The following ASTN2 variants were observed in gnomAD, a reference collection of about 807,000 sequenced individuals.
ASTN2 encodes the protein astrotactin 2, also known as astrotactin-2.
A neutral mutation model predicts 139.8 loss-of-function variants in ASTN2; 54 were observed. That is an observed-to-expected ratio of 0.39 (90% CI 0.31 to 0.48). ASTN2 has a LOEUF of 0.48. Among genes scored for constraint, ASTN2 ranks in the 20% least tolerant of loss-of-function variants. The pLI is 0.95. For missense variants in ASTN2, 1,565 were observed against 1,725.1 expected (o/e 0.91, Z 1.64); for synonymous variants, 756 against 719.5 (o/e 1.05, Z -0.81).
chr9:117,385,245 C>T (rs113847362), intron 1 of ASTN2, among the ~76,000 whole-genome samples: 5 of 152,256 alleles, frequency 3.3e-5, no homozygotes, highest in Admixed American at 1.3e-4. Flanking sequence ...CCACCTCAGT[C>T]TCCCACAGTG....
intron 3 of ASTN2, among the ~76,000 whole-genome samples, chr9:117,174,494 C>T (rs1830871240): frequency 6.6e-6 from 1 of 151,740 alleles, no homozygotes; most frequent in African/African-American, 2.4e-5. Context: ...TGAGATATAC[C>T]CACTTCACAT....
At chr9:117,111,751 T>C (rs1403026860) in intron 4 of ASTN2, among the ~76,000 whole-genome samples, 1 of 152,100 alleles carries the variant, frequency 6.6e-6, no homozygotes, top group Non-Finnish European at 1.5e-5. Flanking sequence ...TTGCACATCA[T>C]AGTCAAACTG....
At chr9:116,482,714 A>G (rs1849212542) in intron 20 of ASTN2, among the ~76,000 whole-genome samples, 1 of 150,872 alleles carries the variant, frequency 6.6e-6, no homozygotes. Context: ...TTTTTCTTCT[A>G]CTCTTCCAAC....
intron 4 of ASTN2, among the ~76,000 whole-genome samples, chr9:117,108,446 C>CACAT (rs1258315940): frequency 6.6e-6 from 1 of 151,286 alleles, no homozygotes; most frequent in African/African-American, 2.4e-5. Flanking sequence ...AAAACACACA[C>CACAT]ACACACACAC....
At chr9:116,744,176 G>A (rs752066112) in intron 13 of ASTN2, among the ~76,000 whole-genome samples, 3 of 152,140 alleles carry the variant, frequency 2.0e-5, no homozygotes, top group Non-Finnish European at 4.4e-5. Context: ...GTGTGTGGGC[G>A]CATGTGTGTG....
chr9:116,756,770 AACACACACAC>A (rs111716372), intron 13 of ASTN2, among the ~76,000 whole-genome samples: 3 of 148,018 alleles, frequency 2.0e-5, no homozygotes, highest in Non-Finnish European at 3.0e-5. Context: ...CTCCGAATAA[AACACACACAC>A]ACACACACAC....
chr9:117,378,080 A>T (rs578154687), intron 1 of ASTN2, among the ~76,000 whole-genome samples: 3 of 152,356 alleles, frequency 2.0e-5, no homozygotes, highest in South Asian at 2.1e-4. Flanking sequence ...GAATGGCTTT[A>T]TATGTTAATT....
intron 5 of ASTN2, among the ~76,000 whole-genome samples, chr9:117,072,405 A>G (rs1828159645): frequency 6.6e-6 from 1 of 152,184 alleles, no homozygotes; most frequent in African/African-American, 2.4e-5. Flanking sequence ...ATCATCTTTC[A>G]ATTACAAATC....
At chr9:116,441,996 G>C (rs1847854187) in intron 21 of ASTN2, among the ~76,000 whole-genome samples, 1 of 152,212 alleles carries the variant, frequency 6.6e-6, no homozygotes, top group South Asian at 2.1e-4. Context: ...CCATGGGACT[G>C]GATGGAACAG....
At chr9:117,248,628 T>A (rs2133086664) in intron 2 of ASTN2, among the ~76,000 whole-genome samples, 1 of 152,306 alleles carries the variant, frequency 6.6e-6, no homozygotes, top group Non-Finnish European at 1.5e-5. Context: ...TGTTGGACAA[T>A]GACAAGACAG....
chr9:117,390,460 C>A (rs560041768), intron 1 of ASTN2, among the ~76,000 whole-genome samples: 4 of 152,178 alleles, frequency 2.6e-5, no homozygotes, highest in Non-Finnish European at 5.9e-5. Context: ...CATACAGAAT[C>A]GTTTCACTGC....
At chr9:117,049,037 A>T (rs1371903018) in intron 5 of ASTN2, among the ~76,000 whole-genome samples, 5 of 136,126 alleles carry the variant, frequency 3.7e-5, no homozygotes, top group Non-Finnish European at 6.1e-5. Flanking sequence ...GTGCAATCTC[A>T]GCACACTGCA....
chr9:117,381,789 T>C (rs904349098), intron 1 of ASTN2, among the ~76,000 whole-genome samples: 1 of 152,148 alleles, frequency 6.6e-6, no homozygotes, highest in Non-Finnish European at 1.5e-5. Context: ...ACCACTAAAT[T>C]TTACACCTTT....
intron 3 of ASTN2, among the ~76,000 whole-genome samples, chr9:117,159,977 G>A: frequency 6.6e-6 from 1 of 152,128 alleles, no homozygotes. Context: ...TCTTCTTTAA[G>A]CCAATGGACT....
chr9:117,315,007 TAATA>T (rs1177375102), intron 1 of ASTN2, among the ~76,000 whole-genome samples: 1 of 148,166 alleles, frequency 6.7e-6, no homozygotes, highest in Non-Finnish European at 1.5e-5. Context: ...ATATATTACT[TAATA>T]TATATAAATA....
chr9:116,718,976 A>ATATATATATATATATATATATATG (rs1242831985), intron 16 of ASTN2, among the ~76,000 whole-genome samples: 1 of 96,326 alleles, frequency 1.0e-5, no homozygotes, highest in Non-Finnish European at 1.9e-5. Flanking sequence ...GTATCTGTAC[A>ATATATATATATATATATATATATG]TATATATATA....
In ASTN2 at chr9:117,179,866, G is replaced by T. The variant is rs57119421; in HGVS notation, c.1015+34492C>A. Among the ~76,000 whole-genome samples, 219 of 152,234 alleles carry T rather than the reference G, an allele frequency of 1.4e-3. 1 individual carries two copies. Among genetic ancestry groups the T allele is most frequent in the African/African-American group, 4.9e-3 (202 of 41,542 alleles). On this transcript the variant is annotated intron_variant, in intron 3 of 22. Coordinates refer to ENST00000313400, the MANE Select transcript of ASTN2 (RefSeq NM_001365068.1). ...ACTTTACCCCCAATCCCCTGGTTTT[G>T]CCATTTCCTTACCTCAGACATTACC... is the stretch of plus-strand genomic sequence containing the variant.
intron 10 of ASTN2, among the ~76,000 whole-genome samples, chr9:116,970,258 A>T (rs1472947044): frequency 6.6e-6 from 1 of 152,172 alleles, no homozygotes; most frequent in Non-Finnish European, 1.5e-5. Flanking sequence ...AGGAGTTAAG[A>T]TCTGATGATA....
At chr9:117,071,285 G>C (rs1416374189) in intron 5 of ASTN2, among the ~76,000 whole-genome samples, 5 of 151,534 alleles carry the variant, frequency 3.3e-5, no homozygotes, top group East Asian at 2.0e-4. Flanking sequence ...AGGTGTCAGT[G>C]TGCCCCTGCT....
Sources: allele counts gnomAD v4.1 joint callset (sites outside exome capture counted in the v4.1 genomes callset), GRCh38; gene constraint gnomAD v4.1.1; transcripts MANE v1.5; gene names NCBI Gene and HGNC (gene_info 2026-07-23, HGNC 2026-07-21).